The following ARK2C variants were observed in gnomAD, a reference collection of about 807,000 sequenced individuals.
ARK2C encodes the protein E3 ubiquitin-protein ligase ARK2C.
At chr18:46,356,614 C>T in the ARK2C span, among the ~76,000 whole-genome samples, 5 of 152,130 alleles carry the variant, frequency 3.3e-5, no homozygotes, top group Non-Finnish European at 7.4e-5. Flanking sequence ...TCTGAACACA[C>T]AGAAGGGAGT....
chr18:46,375,553 CTAA>C, the ARK2C span, among the ~76,000 whole-genome samples: 65,013 of 137,302 alleles, frequency 0.47, 15,695 homozygotes, highest in African/African-American at 0.56. Context: ...GACTCTGTCT[CTAA>C]TAATAATAAT....
chr18:46,398,040 G>A, the ARK2C span, among the ~76,000 whole-genome samples: 2 of 141,504 alleles, frequency 1.4e-5, no homozygotes, highest in East Asian at 4.3e-4. Context: ...GAGGTGTGAG[G>A]GTGTGTGTAC....
the ARK2C span, among the ~76,000 whole-genome samples, chr18:46,392,113 G>C: frequency 6.6e-6 from 1 of 151,376 alleles, no homozygotes; most frequent in African/African-American, 2.4e-5. Flanking sequence ...TACACACACT[G>C]TGCCCAGCAC....
At chr18:46,387,494 C>T in the ARK2C span, among the ~76,000 whole-genome samples, 1,267 of 152,358 alleles carry the variant, frequency 8.3e-3, 17 homozygotes, top group African/African-American at 0.029. Context: ...AGGGGAGAAA[C>T]TTGTCCCAAC....
chr18:46,366,718 G>A, the ARK2C span, among the ~76,000 whole-genome samples: 1 of 152,134 alleles, frequency 6.6e-6, no homozygotes, highest in Non-Finnish European at 1.5e-5. Flanking sequence ...GCTCTGCCAC[G>A]GAAGCTTTCT....
the ARK2C span, among the ~76,000 whole-genome samples, chr18:46,359,779 A>G: frequency 6.6e-6 from 1 of 152,156 alleles, no homozygotes; most frequent in Non-Finnish European, 1.5e-5. Context: ...AAAGTCATAC[A>G]TGGCCCAAGA....
the ARK2C span, chr18:46,433,455 G>A: frequency 1.9e-4 from 306 of 1,612,744 alleles, no homozygotes; most frequent in Admixed American, 5.7e-4. Flanking sequence ...AATACCTCCT[G>A]CAGCAGCAGC....
chr18:46,384,000 C>G, the ARK2C span, among the ~76,000 whole-genome samples: 2 of 152,338 alleles, frequency 1.3e-5, no homozygotes, highest in East Asian at 3.9e-4. Flanking sequence ...TTTAAAAGGA[C>G]ACACAGTCCT....
At chr18:46,372,499 C>T in the ARK2C span, among the ~76,000 whole-genome samples, 2,501 of 152,322 alleles carry the variant, frequency 0.016, 74 homozygotes, top group African/African-American at 0.057. Flanking sequence ...CCATGTGGGG[C>T]CACCTTAGTA....
At chr18:46,433,846 G>A in the ARK2C span, among the ~76,000 whole-genome samples, 2 of 152,230 alleles carry the variant, frequency 1.3e-5, no homozygotes, top group African/African-American at 4.8e-5. Flanking sequence ...CCTCACAGTG[G>A]ACTCCTGCAT....
At chr18:46,456,465 G>A in the ARK2C span, 80 of 1,310,558 alleles carry the variant, frequency 6.1e-5, no homozygotes, top group Non-Finnish European at 8.7e-5. Flanking sequence ...TCCCTGCTCC[G>A]CTCAGTGTCC....
chr18:46,435,027 G>A, the ARK2C span, among the ~76,000 whole-genome samples: 1 of 152,184 alleles, frequency 6.6e-6, no homozygotes, highest in Non-Finnish European at 1.5e-5. Flanking sequence ...ATCTACCACA[G>A]ACACACCAAG....
chr18:46,389,374 T>C, the ARK2C span, among the ~76,000 whole-genome samples: 2 of 152,212 alleles, frequency 1.3e-5, no homozygotes, highest in East Asian at 3.8e-4. Flanking sequence ...ACACACTGGA[T>C]AAAGTCCCAC....
chr18:46,371,249 C>T, the ARK2C span, among the ~76,000 whole-genome samples: 12 of 152,210 alleles, frequency 7.9e-5, no homozygotes, highest in South Asian at 8.3e-4. Context: ...CAATTCAAGA[C>T]GAGATTTGCA....
chr18:46,418,416 A>C, the ARK2C span, among the ~76,000 whole-genome samples: 1 of 152,250 alleles, frequency 6.6e-6, no homozygotes, highest in African/African-American at 2.4e-5. Context: ...AATTAACTAC[A>C]TCCAAAATAT....
chr18:46,412,636 T>C, the ARK2C span, among the ~76,000 whole-genome samples: 2,345 of 152,254 alleles, frequency 0.015, 60 homozygotes, highest in African/African-American at 0.054. Flanking sequence ...CCTACTCCAG[T>C]AGCTGGCTGT....
chr18:46,438,046 A>C, the ARK2C span, among the ~76,000 whole-genome samples: 21 of 152,376 alleles, frequency 1.4e-4, no homozygotes, highest in African/African-American at 5.0e-4. Flanking sequence ...GGGTCTGTAC[A>C]GCAACCAGAC....
the ARK2C span, among the ~76,000 whole-genome samples, chr18:46,350,381 A>G: frequency 3.3e-5 from 5 of 152,178 alleles, no homozygotes; most frequent in Non-Finnish European, 7.3e-5. Context: ...TTTGGATGCC[A>G]TGTGGCCTGG....
the ARK2C span, among the ~76,000 whole-genome samples, chr18:46,357,785 G>A: frequency 6.6e-6 from 1 of 152,256 alleles, no homozygotes; most frequent in African/African-American, 2.4e-5. Flanking sequence ...GGTGGCTTTA[G>A]ACAACAGAAG....
Sources: gnomAD v4.1 joint callset for allele counts (sites outside exome capture counted in the v4.1 genomes callset) on GRCh38, gnomAD v4.1.1 for gene constraint, MANE v1.5 for transcripts, NCBI Gene and HGNC (gene_info 2026-07-23, HGNC 2026-07-21) for gene names.